The following BCKDHB variants were observed in gnomAD, a reference collection of about 807,000 sequenced individuals.
BCKDHB encodes branched chain keto acid dehydrogenase E1 subunit beta, also known as 2-oxoisovalerate dehydrogenase subunit beta, mitochondrial.
Under a neutral mutation model 48.5 loss-of-function variants are expected in BCKDHB, and 41 were observed. The ratio of observed to expected loss-of-function variants is 0.85; its 90% CI spans 0.66 to 1.10. The LOEUF is 1.10. Ranked by LOEUF, BCKDHB falls within the 50% of genes least tolerant of loss-of-function variation. The probability of loss-of-function intolerance (pLI) is 0.00; values close to 1 mark genes in which losing one functional copy is unlikely to be tolerated. For synonymous variants in BCKDHB, 201 were observed against 174.8 expected (o/e 1.15, Z -1.18); for missense variants, 496 against 494.2 (o/e 1.00, Z -0.03).
chr6:80,261,562 G>T (rs957057022), intron 8 of BCKDHB, among the ~76,000 whole-genome samples: 2 of 151,982 alleles, frequency 1.3e-5, no homozygotes, highest in African/African-American at 4.8e-5. Context: ...CCCTGAGAGT[G>T]GTAGGCAGTA....
At chr6:80,193,561 A>G (rs1021751571) in intron 6 of BCKDHB, among the ~76,000 whole-genome samples, 2 of 152,096 alleles carry the variant, frequency 1.3e-5, no homozygotes, top group Non-Finnish European at 2.9e-5. Flanking sequence ...TCTACTAAAA[A>G]ATAAAAAAAC....
intron 3 of BCKDHB, 110 bp from the exon 4 acceptor site, chr6:80,167,568 C>T (rs1337067453): frequency 2.6e-6 from 3 of 1,160,426 alleles, no homozygotes; most frequent in African/African-American, 1.5e-5. Context: ...GTTTCCTCTA[C>T]CTGTTCTATA....
chr6:80,251,731 G>A (rs1175179990), intron 8 of BCKDHB: 1 of 152,088 alleles, frequency 6.6e-6, no homozygotes, highest in Admixed American at 6.6e-5. Flanking sequence ...TTTGTGTATG[G>A]TATTTGCAGC....
the BCKDHB span, among the ~76,000 whole-genome samples, chr6:80,454,858 C>T: frequency 4.9e-3 from 746 of 152,286 alleles, 5 homozygotes; most frequent in South Asian, 9.1e-3. Flanking sequence ...CCCAACTTGT[C>T]CTTCTTAATG....
intron 9 of BCKDHB, among the ~76,000 whole-genome samples, chr6:80,312,241 G>T (rs1768203598): frequency 6.6e-6 from 1 of 152,126 alleles, no homozygotes; most frequent in Non-Finnish European, 1.5e-5. Flanking sequence ...TGTTGTTAGT[G>T]TATAGGAATG....
At chr6:80,456,256 C>T in the BCKDHB span, among the ~76,000 whole-genome samples, 2 of 150,922 alleles carry the variant, frequency 1.3e-5, no homozygotes, top group East Asian at 1.9e-4. Flanking sequence ...CCAACAAAAA[C>T]CCTAAAACAA....
chr6:80,204,066 C>T (rs1345318269), intron 8 of BCKDHB, among the ~76,000 whole-genome samples: 4 of 151,970 alleles, frequency 2.6e-5, no homozygotes, highest in Non-Finnish European at 1.5e-5. Flanking sequence ...GAAACAATGA[C>T]ATGTATTATT....
intron 8 of BCKDHB, among the ~76,000 whole-genome samples, chr6:80,205,033 G>A (rs745952597): frequency 6.6e-6 from 1 of 152,050 alleles, no homozygotes; most frequent in Non-Finnish European, 1.5e-5. Flanking sequence ...CTTTCATCCG[G>A]TTGTGACAGT....
chr6:80,424,207 G>A, the BCKDHB span, among the ~76,000 whole-genome samples: 1 of 152,136 alleles, frequency 6.6e-6, no homozygotes, highest in East Asian at 1.9e-4. Flanking sequence ...AAGCTATTTA[G>A]TGAGAAGTTG....
the BCKDHB span, among the ~76,000 whole-genome samples, chr6:80,442,289 CA>C: frequency 1.3e-5 from 2 of 152,018 alleles, no homozygotes; most frequent in Non-Finnish European, 2.9e-5. Context: ...ATTTCATGTT[CA>C]AAACTTCTGA....
chr6:80,460,767 G>A, the BCKDHB span, among the ~76,000 whole-genome samples: 1 of 152,112 alleles, frequency 6.6e-6, no homozygotes, highest in Non-Finnish European at 1.5e-5. Context: ...ACTGATCTTG[G>A]CTTGAAATTA....
intron 1 of BCKDHB, among the ~76,000 whole-genome samples, chr6:80,115,179 G>C (rs1005550201): frequency 1.3e-5 from 2 of 152,088 alleles, no homozygotes; most frequent in African/African-American, 4.8e-5. Flanking sequence ...ATGTTGCCCA[G>C]GCTGAAGTGC....
At chr6:80,190,349 G>A (rs558749735) in intron 6 of BCKDHB, among the ~76,000 whole-genome samples, 1 of 152,228 alleles carries the variant, frequency 6.6e-6, no homozygotes, top group South Asian at 2.1e-4. Context: ...TCAAGACTTA[G>A]GGAAAGGATC....
chr6:80,222,823 A>G (rs1775520148), intron 8 of BCKDHB, among the ~76,000 whole-genome samples: 1 of 152,234 alleles, frequency 6.6e-6, no homozygotes, highest in Admixed American at 6.5e-5. Flanking sequence ...CCATAAACCC[A>G]TGTATAAAAG....
the BCKDHB span, among the ~76,000 whole-genome samples, chr6:80,409,178 G>A: frequency 3.3e-5 from 5 of 151,800 alleles, no homozygotes; most frequent in African/African-American, 9.7e-5. Flanking sequence ...TGTAGTTGTA[G>A]TTGTGTGGTT....
chr6:80,297,032 T>C (rs1185029389), intron 9 of BCKDHB, among the ~76,000 whole-genome samples: 1 of 152,168 alleles, frequency 6.6e-6, no homozygotes, highest in Non-Finnish European at 1.5e-5. Context: ...ATGAAAACCT[T>C]GGTAAGAGAT....
intron 1 of BCKDHB, among the ~76,000 whole-genome samples, chr6:80,116,246 A>G (rs190901210): frequency 2.0e-5 from 3 of 152,294 alleles, no homozygotes; most frequent in Admixed American, 6.5e-5. Context: ...CTGTTGATGC[A>G]ATAACACCTC....
chr6:80,443,675 T>C, the BCKDHB span: 4 of 152,174 alleles, frequency 2.6e-5, no homozygotes, highest in African/African-American at 9.7e-5. Flanking sequence ...TTTATTTATT[T>C]ATATATTTTT....
intron 1 of BCKDHB, among the ~76,000 whole-genome samples, chr6:80,114,613 A>G (rs917705330): frequency 3.9e-5 from 6 of 152,162 alleles, no homozygotes; most frequent in African/African-American, 1.2e-4. Flanking sequence ...GAAGGATGAA[A>G]AAAAGGAAGA....
Sources: gnomAD v4.1 joint callset for allele counts (sites outside exome capture counted in the v4.1 genomes callset) on GRCh38, gnomAD v4.1.1 for gene constraint, MANE v1.5 for transcripts, NCBI Gene and HGNC (gene_info 2026-07-23, HGNC 2026-07-21) for gene names.